AXDND1: variants seen among roughly 807,000 people sequenced by gnomAD.
AXDND1 encodes the protein axonemal dynein light chain domain containing 1, also known as axonemal dynein light chain domain-containing protein 1.
Under a neutral mutation model 137.5 loss-of-function variants are expected in AXDND1, and 110 were observed. The observed-to-expected ratio is 0.80, with a 90% confidence interval of 0.69 to 0.94. The LOEUF (loss-of-function observed/expected upper bound fraction) is 0.94, where lower values mean the gene tolerates loss of function less well. Ranked by LOEUF, AXDND1 falls within the 40% of genes least tolerant of loss-of-function variation. The pLI is 0.00. For missense variants in AXDND1, 1,191 were observed against 1,169.8 expected, an observed-to-expected ratio of 1.02 and a Z score of -0.26; for synonymous variants, 414 against 399.7, an observed-to-expected ratio of 1.04 and a Z score of -0.43.
chr1:179,533,705 C>G, intron 23 of AXDND1, 90 bp from the exon 24 acceptor site: 1 of 912,280 alleles, frequency 1.1e-6, no homozygotes, highest in Non-Finnish European at 1.7e-6. Flanking sequence ...AAAGAATATT[C>G]TAGAAGGTTT....
intron 11 of AXDND1, among the ~76,000 whole-genome samples, chr1:179,396,884 G>A (rs1651159775): frequency 6.6e-6 from 1 of 152,232 alleles, no homozygotes; most frequent in South Asian, 2.1e-4. Context: ...GTCATTGCAT[G>A]TGAGATGAGT....
chr1:179,437,161 G>A (rs541998802), intron 15 of AXDND1, among the ~76,000 whole-genome samples: 120 of 152,060 alleles, frequency 7.9e-4, no homozygotes, highest in Non-Finnish European at 1.5e-3. Context: ...CTGAACAAAG[G>A]GGGGCAAATG....
chr1:179,422,015 G>C (rs937361801), intron 12 of AXDND1, among the ~76,000 whole-genome samples: 7 of 148,690 alleles, frequency 4.7e-5, no homozygotes, highest in Non-Finnish European at 1.0e-4. Context: ...ACTCCAGCCT[G>C]GGCAACAAGA....
At chr1:179,526,231 A>G (rs931819096) in intron 22 of AXDND1, among the ~76,000 whole-genome samples, 4 of 152,032 alleles carry the variant, frequency 2.6e-5, no homozygotes, top group African/African-American at 7.2e-5. Flanking sequence ...GGGCATTTGT[A>G]GTAATAAAAA....
intron 15 of AXDND1, among the ~76,000 whole-genome samples, chr1:179,438,462 A>G (rs1161990674): frequency 2.0e-5 from 3 of 152,208 alleles, no homozygotes; most frequent in African/African-American, 7.2e-5. Flanking sequence ...TTCTTCAGGT[A>G]CTGAGCTCTT....
chr1:179,546,956 T>C (rs2125747150), intron 25 of AXDND1, among the ~76,000 whole-genome samples: 1 of 152,348 alleles, frequency 6.6e-6, no homozygotes, highest in South Asian at 2.1e-4. Flanking sequence ...ATTCAGTGAC[T>C]GCACTTTCCT....
chr1:179,430,607 G>A lies in AXDND1; in HGVS notation c.1487+1G>A, dbSNP rs534131072. The A allele has an allele frequency of 1.2e-6, 2 of 1,605,440 alleles. No individual in the cohort carries two copies. The highest frequency in any genetic ancestry group is 2.7e-5 in the African/African-American group (2 of 74,280). ...TTATCAAATGGCAGGAGTTCTTCAA[G>A]TGAGTCACCAAGAATCTTGTTTTTC... is the stretch of plus-strand genomic sequence containing the variant. On this transcript the variant is annotated splice_donor_variant, in intron 14 of 25. Coordinates refer to ENST00000367618, the MANE Select transcript of AXDND1 (RefSeq NM_144696.6). LOFTEE classifies it high-confidence loss of function.
intron 18 of AXDND1, among the ~76,000 whole-genome samples, chr1:179,488,729 T>C (rs903908983): frequency 1.9e-4 from 26 of 138,058 alleles, no homozygotes; most frequent in Non-Finnish European, 3.1e-5. Flanking sequence ...TCTTTCTTTC[T>C]CTCTCTCTCT....
At chr1:179,539,476 T>C (rs925328622) in intron 25 of AXDND1, among the ~76,000 whole-genome samples, 17 of 152,240 alleles carry the variant, frequency 1.1e-4, no homozygotes, top group African/African-American at 4.1e-4. Flanking sequence ...TATGAAATTC[T>C]GGGTTGAAAA....
intron 12 of AXDND1, 23 bp downstream of exon 12, chr1:179,411,289 C>G (rs761407053): frequency 1.3e-6 from 2 of 1,598,828 alleles, no homozygotes; most frequent in Non-Finnish European, 1.7e-6. Context: ...GGATTCACAA[C>G]TCACACTTCT....
At chr1:179,501,155 T>G (rs1451503965) in intron 20 of AXDND1, among the ~76,000 whole-genome samples, 7 of 152,214 alleles carry the variant, frequency 4.6e-5, no homozygotes, top group Non-Finnish European at 8.8e-5. Context: ...CAACAGTTTT[T>G]TTTTCAACTT....
chr1:179,438,724 A>G (rs1289930783), intron 15 of AXDND1, among the ~76,000 whole-genome samples: 5 of 150,714 alleles, frequency 3.3e-5, no homozygotes, highest in African/African-American at 1.2e-4. Flanking sequence ...GCAATGTGCT[A>G]TGATTAATGC....
At chr1:179,435,416 G>A (rs895386484) in intron 15 of AXDND1, among the ~76,000 whole-genome samples, 2 of 152,196 alleles carry the variant, frequency 1.3e-5, no homozygotes, top group East Asian at 1.9e-4. Context: ...AAAGCTGGAG[G>A]CATCATGCTA....
At chr1:179,541,554 C>A (rs533014658) in intron 25 of AXDND1, among the ~76,000 whole-genome samples, 1 of 151,238 alleles carries the variant, frequency 6.6e-6, no homozygotes, top group Non-Finnish European at 1.5e-5. Context: ...ACAGGTAATA[C>A]TTGTGAGTAG....
At chr1:179,378,870 A>G in intron 5 of AXDND1, 113 bp downstream of exon 5, 1 of 841,422 alleles carries the variant, frequency 1.2e-6, no homozygotes, top group Non-Finnish European at 1.6e-6. Flanking sequence ...TACTATAACA[A>G]CCTGCATTGC....
In AXDND1 at chr1:179,491,646, G is replaced by T; in HGVS notation, c.2200G>T (p.Ala734Ser). 1.2e-6 allele frequency: 2 copies of T among 1,613,848 alleles called. No individual in the cohort carries two copies. The highest frequency in any genetic ancestry group is 2.2e-5 in the South Asian group (2 of 90,970). Reference protein sequence around the residue: ...DCLLKLEEESAEKHDIGVARL... With the variant: ...DCLLKLEEESSEKHDIGVARL... ...TCTCCTAAAGTTGGAGGAGGAAAGTGCTGAGAAACATGATATAGGAGTTGC... is the reference window on the plus strand; with the variant it reads ...TCTCCTAAAGTTGGAGGAGGAAAGTTCTGAGAAACATGATATAGGAGTTGC... The change falls in exon 19 of 26, where the codon GCT becomes TCT. Residue 734 changes from alanine to serine, a missense_variant. Coordinates refer to ENST00000367618, the MANE Select transcript of AXDND1 (RefSeq NM_144696.6).
chr1:179,380,822 T>C (rs1375011263), intron 6 of AXDND1, among the ~76,000 whole-genome samples: 4 of 152,052 alleles, frequency 2.6e-5, no homozygotes, highest in Admixed American at 6.6e-5. Flanking sequence ...CATAAAAATG[T>C]TGCAAAAATG....
chr1:179,493,056 A>C, intron 20 of AXDND1, 105 bp downstream of exon 20: 1 of 760,746 alleles, frequency 1.3e-6, no homozygotes, highest in Non-Finnish European at 2.1e-6. Context: ...TAAAGAATAC[A>C]ATCTTATAAG....
chr1:179,523,953 C>A (rs375146572), intron 21 of AXDND1, among the ~76,000 whole-genome samples: 1 of 152,044 alleles, frequency 6.6e-6, no homozygotes, highest in Non-Finnish European at 1.5e-5. Flanking sequence ...TGAGTGAGAA[C>A]GTACAATATT....
Sources: gnomAD v4.1 joint callset for allele counts (sites outside exome capture counted in the v4.1 genomes callset) on GRCh38, gnomAD v4.1.1 for gene constraint, MANE v1.5 for transcripts, NCBI Gene and HGNC (gene_info 2026-07-23, HGNC 2026-07-21) for gene names.